ZNF667: variants seen among roughly 807,000 people sequenced by gnomAD.
ZNF667 encodes zinc finger protein 667, also known as myocardial ischemic preconditioning upregulated 1 ortholog.
ZNF667 carries 13 observed loss-of-function variants against 31.8 expected under a neutral mutation model. The ratio of observed to expected loss-of-function variants is 0.41; its 90% CI spans 0.27 to 0.65. ZNF667 has a LOEUF of 0.65. Ranked by LOEUF, ZNF667 falls within the 30% of genes least tolerant of loss-of-function variation. The pLI is 0.32. For missense variants in ZNF667, 642 were observed against 725.6 expected (o/e 0.88, Z 1.32); for synonymous variants, 228 against 247.1 (o/e 0.92, Z 0.73).
intron 4 of ZNF667, 40 bp from the exon 5 acceptor site, chr19:56,460,855 T>G: frequency 6.5e-7 from 1 of 1,532,956 alleles, no homozygotes; most frequent in African/African-American, 1.4e-5. Flanking sequence ...CATGGACTTG[T>G]GCTTCCACAT....
intron 2 of ZNF667, among the ~76,000 whole-genome samples, 172 bp downstream of exon 2, chr19:56,473,840 T>C (rs1193689378): frequency 6.6e-6 from 1 of 152,014 alleles, no homozygotes; most frequent in Non-Finnish European, 1.5e-5. Context: ...TTGAAAAGGC[T>C]CTGGAAAGAT....
intron 3 of ZNF667, chr19:56,469,817 G>A (rs1056425185): frequency 7.3e-6 from 3 of 409,804 alleles, no homozygotes; most frequent in East Asian, 7.2e-5. Flanking sequence ...TCCAGCACAC[G>A]GAAAGGGCTT....
chr19:56,463,089 G>A (rs2043083662), intron 3 of ZNF667, among the ~76,000 whole-genome samples: 1 of 152,102 alleles, frequency 6.6e-6, no homozygotes, highest in South Asian at 2.1e-4. Context: ...CGGGGAGGGT[G>A]GGCTAAGGCA....
Position 56,455,516 on chromosome 19 carries a change from C to G in ZNF667, c.253+2639G>C, listed in dbSNP as rs571398258. Among the ~76,000 whole-genome samples the G allele has an allele frequency of 5.3e-5, 8 of 152,176 alleles. No individual in the cohort carries two copies. In the East Asian group the frequency reaches 1.5e-3, roughly 29 times the overall value. On this transcript the variant is annotated intron_variant, in intron 6 of 6. Transcript: ENST00000504904. ...AAACCTTATTTTAAGGGAAATAAGC[C>G]AGACACAGACAACCTTCACATGTTC...
In ZNF667 at chr19:56,441,397, C is replaced by G; in HGVS notation, c.1598G>C (p.Gly533Ala). 1.2e-6 allele frequency: 2 copies of G among 1,614,138 alleles called. No individual in the cohort carries two copies. The highest frequency in any genetic ancestry group is 8.5e-7 in the Non-Finnish European group (1 of 1,180,038). The change falls in exon 7 of 7, where the codon GGT (glycine) becomes GCT (alanine). Residue 533 changes from glycine to alanine, a missense_variant. Physicochemically the swap from Gly to Ala is moderately conservative, Grantham distance 60. Coordinates refer to ENST00000504904, the MANE Select transcript of ZNF667 (RefSeq NM_001321356.2). The surrounding 1 kb of genome is among the most constrained non-coding windows in gnomAD (Gnocchi z 4.2). ...GEKPYTCKTCGKAFSQRTSLI... is the reference protein window; with the variant it reads ...GEKPYTCKTCAKAFSQRTSLI... ...AGATGTGCGCTGACTAAAGGCCTTA[C>G]CACATGTTTTGCATGTATATGGCTT...
At position 56,441,901 on chromosome 19, in the gene ZNF667, T is replaced by A. The variant is rs754207170; in HGVS notation, c.1094A>T (p.Lys365Met). Residue 365 changes from lysine (K) to methionine (M), a missense_variant, in exon 7 of 7, where the codon AAG (lysine) becomes ATG (methionine). Coordinates refer to ENST00000504904, the MANE Select transcript of ZNF667 (RefSeq NM_001321356.2). This position sits in a 1 kb window ranked among gnomAD's most constrained non-coding sequence, Gnocchi z 4.2. ...EKPYKCDKCD[K>M]FFRRLSTLIL... ...AAGGGTTGAAAGCCGCCTGAAGAAC[T>A]TGTCACATTTATCACATTTGTACGG... 25 of 1,614,182 alleles carry A rather than the reference T, an allele frequency of 1.5e-5. No homozygotes were observed. Among genetic ancestry groups the A allele is most frequent in the Non-Finnish European group, 2.0e-5 (24 of 1,180,020 alleles).
At chr19:56,467,902 G>A (rs1213908141) in intron 3 of ZNF667, 1 of 152,202 alleles carries the variant, frequency 6.6e-6, no homozygotes, top group East Asian at 1.9e-4. Context: ...GTCCTTCTGA[G>A]TTTTTATGGT....
At position 56,441,251 on chromosome 19, in the gene ZNF667, G is replaced by A. The variant is rs2147649638; in HGVS notation, c.1744C>T (p.Pro582Ser). ...RHQRSHSSEKPYECSKCGKAY... is the reference protein window; with the variant it reads ...RHQRSHSSEKSYECSKCGKAY... The stretch of plus-strand genomic sequence containing the variant: ...TTCCCACATTTACTACATTCATAGG[G>A]TTTCTCTGAAGAATGACTTCTCTGA... The change falls in exon 7 of 7, where the codon CCC becomes TCC. Residue 582 changes from proline (P) to serine (S), a missense_variant. Pro to Ser is a moderately conservative substitution (Grantham distance 74). Transcript: ENST00000504904. This position sits in a 1 kb window ranked among gnomAD's most constrained non-coding sequence, Gnocchi z 4.2. 1.3e-5 allele frequency: 21 copies of A among 1,614,078 alleles called. No individual in the cohort carries two copies. The highest frequency in any genetic ancestry group is 1.8e-5 in the Non-Finnish European group (21 of 1,179,966).
Position 56,442,197 on chromosome 19 carries a change from T to C in ZNF667, c.798A>G (p.Ser266=). The C allele has an allele frequency of 1.2e-6, 2 of 1,614,106 alleles. No homozygotes were observed. Among genetic ancestry groups the C allele is most frequent in the Non-Finnish European group, 1.7e-6 (2 of 1,179,998 alleles). The change falls in exon 7 of 7, where the codon TCA becomes TCG. Residue 266 remains serine, a synonymous_variant. Transcript: ENST00000504904. ...GAATTTTCTTATGAAGTAAAAGGGATGACATCTGATTGAAGGCTTTTCCGC... is the reference window on the plus strand; with the variant it reads ...GAATTTTCTTATGAAGTAAAAGGGACGACATCTGATTGAAGGCTTTTCCGC... ...RKCGKAFNQM[S]SLLLHKKIHN...
chr19:56,470,646 C>T (rs906455069), intron 3 of ZNF667, among the ~76,000 whole-genome samples: 3 of 152,116 alleles, frequency 2.0e-5, no homozygotes, highest in Non-Finnish European at 2.9e-5. Context: ...GAAATGCTTC[C>T]GGAAAACATC....
In ZNF667 at chr19:56,441,675, C is replaced by A; in HGVS notation, c.1320G>T (p.Glu440Asp). The A allele has an allele frequency of 6.2e-7, 1 of 1,614,130 alleles. No homozygotes were observed. Among genetic ancestry groups the A allele is most frequent in the South Asian group, 1.1e-5 (1 of 91,078 alleles). ...TACATTTATTGCATTTGAAAGGTTT[C>A]TCTTCAGAATGAATATTCTGATGTA... ...LKIHQNIHSE[E>D]KPFKCNKCSK... is the part of the protein sequence containing the mutation. Residue 440 changes from glutamate (E) to aspartate (D), a missense_variant, in exon 7 of 7, where the codon GAG becomes GAT. Physicochemically the swap from Glu to Asp is conservative, Grantham distance 45. Transcript: ENST00000504904. The surrounding 1 kb of genome is among the most constrained non-coding windows in gnomAD (Gnocchi z 4.2).
At position 56,442,417 on chromosome 19, in the gene ZNF667, A is replaced by G; in HGVS notation, c.578T>C (p.Ile193Thr). The change falls in exon 7 of 7, where the codon ATT becomes ACT. Residue 193 changes from isoleucine (I) to threonine (T), a missense_variant. Coordinates refer to ENST00000504904, the MANE Select transcript of ZNF667 (RefSeq NM_001321356.2). ...TTCATGGCTTTTCTTTCCACTGTGA[A>G]TTCTCTGATGAAGTAGGATGGATGA... is the stretch of plus-strand genomic sequence containing the variant. ...QISSILLHQR[I>T]HSGKKSHECN... The G allele has an allele frequency of 6.2e-7, 1 of 1,614,084 alleles. No homozygotes were observed. Among genetic ancestry groups the G allele is most frequent in the Non-Finnish European group, 8.5e-7 (1 of 1,179,988 alleles).
intron 6 of ZNF667, among the ~76,000 whole-genome samples, chr19:56,443,448 G>T (rs891483709): frequency 2.0e-5 from 3 of 152,116 alleles, no homozygotes; most frequent in Non-Finnish European, 4.4e-5. Flanking sequence ...AACCTAGATA[G>T]TATAGCCTAC....
intron 6 of ZNF667, among the ~76,000 whole-genome samples, chr19:56,451,842 C>A: frequency 7.8e-6 from 1 of 128,500 alleles, no homozygotes; most frequent in Non-Finnish European, 1.5e-5. Context: ...GTATTCCAGC[C>A]TGGGTGACAG....
chr19:56,453,673 G>A (rs772587963), intron 6 of ZNF667, among the ~76,000 whole-genome samples: 10 of 151,888 alleles, frequency 6.6e-5, no homozygotes, highest in Non-Finnish European at 1.3e-4. Context: ...GGTTATAGAG[G>A]AACATTCCTC....
intron 6 of ZNF667, among the ~76,000 whole-genome samples, chr19:56,454,201 T>C (rs1337591999): frequency 1.3e-5 from 2 of 152,144 alleles, no homozygotes; most frequent in Non-Finnish European, 2.9e-5. Flanking sequence ...TATGGAAAGA[T>C]AGTCCATGCT....
chr19:56,444,064 C>T, intron 6 of ZNF667: 1 of 392,714 alleles, frequency 2.5e-6, no homozygotes, highest in South Asian at 1.4e-4. Flanking sequence ...TGTAAAAATG[C>T]TGGTTATATG....
chr19:56,453,372 A>G (rs1269464829), intron 6 of ZNF667, among the ~76,000 whole-genome samples: 2 of 152,196 alleles, frequency 1.3e-5, no homozygotes, highest in Admixed American at 6.5e-5. Flanking sequence ...TCATTCTACA[A>G]GGCCAGTATT....
At chr19:56,469,120 C>T (rs1261126847) in intron 3 of ZNF667, among the ~76,000 whole-genome samples, 1 of 152,202 alleles carries the variant, frequency 6.6e-6, no homozygotes, top group Non-Finnish European at 1.5e-5. Flanking sequence ...AATTACAGGG[C>T]TAGGGTGAGA....
Sources: allele counts gnomAD v4.1 joint callset (sites outside exome capture counted in the v4.1 genomes callset), GRCh38; gene constraint gnomAD v4.1.1; non-coding constraint Gnocchi (gnomAD v3.1); transcripts MANE v1.5; gene names NCBI Gene and HGNC (gene_info 2026-07-23, HGNC 2026-07-21).